TNKS: variants seen among roughly 807,000 people sequenced by gnomAD.
TNKS encodes poly [ADP-ribose] polymerase tankyrase-1.
TNKS carries 72 observed loss-of-function variants against 135.8 expected under a neutral mutation model. That is an observed-to-expected ratio of 0.53 (90% CI 0.44 to 0.64). The LOEUF (loss-of-function observed/expected upper bound fraction) is 0.64, where lower values mean the gene tolerates loss of function less well. Ranked by LOEUF, TNKS falls within the 30% of genes least tolerant of loss-of-function variation. The pLI is 0.00. For missense variants in TNKS, 1,769 were observed against 1,674.0 expected (o/e 1.06, Z -0.99); for synonymous variants, 849 against 649.3 (o/e 1.31, Z -4.68).
chr8:9,572,587 A>G (rs889603932), intron 1 of TNKS, among the ~76,000 whole-genome samples: 3 of 152,130 alleles, frequency 2.0e-5, no homozygotes, highest in African/African-American at 4.8e-5. Context: ...CGTTTTCTCC[A>G]TGAAATATAG....
At chr8:9,681,299 T>C (rs532706228) in intron 5 of TNKS, 1 of 152,376 alleles carries the variant, frequency 6.6e-6, no homozygotes, top group Non-Finnish European at 1.5e-5. Context: ...ACTGGCTAAG[T>C]TTTAGTTGTG....
At chr8:9,704,274 T>C (rs1803949510) in intron 5 of TNKS, among the ~76,000 whole-genome samples, 1 of 152,124 alleles carries the variant, frequency 6.6e-6, no homozygotes, top group African/African-American at 2.4e-5. Context: ...GATTTGAAGG[T>C]TAGAAATTGA....
intron 20 of TNKS, among the ~76,000 whole-genome samples, chr8:9,758,693 C>T (rs11988208): frequency 0.1 from 15,603 of 152,146 alleles, 1,035 homozygotes; most frequent in African/African-American, 0.18. Flanking sequence ...GGGCTGGGAC[C>T]CGCTTTCAAG....
At chr8:9,624,017 AAACAAC>A (rs570130310) in intron 3 of TNKS, among the ~76,000 whole-genome samples, 2 of 139,236 alleles carry the variant, frequency 1.4e-5, no homozygotes, top group African/African-American at 2.7e-5. Context: ...AAAAAAGGAA[AAACAAC>A]AACAACAACA....
intron 16 of TNKS, 94 bp downstream of exon 16, chr8:9,735,178 G>C: frequency 1.6e-6 from 2 of 1,285,738 alleles, no homozygotes; most frequent in Non-Finnish European, 2.1e-6. Flanking sequence ...ACACAAATGG[G>C]ACTACTTAGT....
At chr8:9,647,913 G>T (rs996999023) in intron 3 of TNKS, among the ~76,000 whole-genome samples, 2 of 152,154 alleles carry the variant, frequency 1.3e-5, no homozygotes, top group Non-Finnish European at 2.9e-5. Context: ...ATAGCCTGTT[G>T]CTCCTAGAGT....
intron 8 of TNKS, 56 bp from the exon 9 acceptor site, chr8:9,708,315 A>T: frequency 7.2e-7 from 1 of 1,397,670 alleles, no homozygotes. Context: ...AATCATGCTG[A>T]AGATTTTTAT....
At chr8:9,763,872 A>G (rs73662516) in intron 22 of TNKS, among the ~76,000 whole-genome samples, 16,334 of 152,170 alleles carry the variant, frequency 0.11, 1,126 homozygotes, top group African/African-American at 0.19. Flanking sequence ...CCTAGGCAGA[A>G]AAAGGTATGC....
intron 26 of TNKS, among the ~76,000 whole-genome samples, chr8:9,773,578 T>TA (rs1585457856): frequency 1.3e-5 from 2 of 152,182 alleles, no homozygotes; most frequent in Admixed American, 6.6e-5. Context: ...AAAGAAATAA[T>TA]AAGGAATACT....
At position 9,751,825 on chromosome 8, in the gene TNKS, A is replaced by G; in HGVS notation, c.3049A>G (p.Thr1017Ala). 6.2e-7 allele frequency: 1 copy of G among 1,614,202 alleles called. No homozygotes were observed. Residue 1017 changes from threonine (T) to alanine (A), a missense_variant, in exon 19 of 27, where the codon ACA (threonine) becomes GCA (alanine). By Grantham distance (58) the Thr-to-Ala change is moderately conservative (BLOSUM62 0). This residue lies in a region of TNKS where 722 missense variants were observed against 688.9 expected (regional missense o/e 1.05). Coordinates refer to ENST00000310430, the MANE Select transcript of TNKS (RefSeq NM_003747.3). ...ASNAGDGAAG[T>A]ERKEGEVAGL... ...CAATGCAGGGGATGGCGCCGCGGGA[A>G]CAGAAAGGAAGGAAGGAGAAGGTGA... is the stretch of plus-strand genomic sequence containing the variant.
At chr8:9,705,380 A>G (rs770902188) in intron 6 of TNKS, among the ~76,000 whole-genome samples, 5 of 152,350 alleles carry the variant, frequency 3.3e-5, no homozygotes, top group Non-Finnish European at 7.3e-5. Flanking sequence ...GCCCCACTTT[A>G]AGATCTGAAA....
At chr8:9,656,109 T>C (rs1011009588) in intron 3 of TNKS, among the ~76,000 whole-genome samples, 1 of 152,118 alleles carries the variant, frequency 6.6e-6, no homozygotes, top group African/African-American at 2.4e-5. Flanking sequence ...CAAGCCTCAG[T>C]AGCCAATGCG....
intron 2 of TNKS, among the ~76,000 whole-genome samples, chr8:9,600,757 A>G (rs1307642759): frequency 1.3e-5 from 2 of 152,194 alleles, no homozygotes; most frequent in African/African-American, 4.8e-5. Context: ...TGTTGACAGA[A>G]TTCTGAATTT....
intron 3 of TNKS, among the ~76,000 whole-genome samples, chr8:9,676,686 C>CTCTCTGTGTGTGTGTGTGTG (rs1554467464): frequency 2.0e-5 from 3 of 147,786 alleles, no homozygotes; most frequent in African/African-American, 5.0e-5. Flanking sequence ...CTCTCTCTCT[C>CTCTCTGTGTGTGTGTGTGTG]TGTGTGTGTG....
chr8:9,712,849 C>G (rs1804408276), intron 11 of TNKS, among the ~76,000 whole-genome samples: 1 of 152,156 alleles, frequency 6.6e-6, no homozygotes, highest in Non-Finnish European at 1.5e-5. Context: ...GTAATCATGC[C>G]ACTACACTGT....
intron 3 of TNKS, among the ~76,000 whole-genome samples, chr8:9,674,415 C>T (rs992203078): frequency 6.6e-6 from 1 of 151,986 alleles, no homozygotes; most frequent in African/African-American, 2.4e-5. Flanking sequence ...AAAAAAAAAG[C>T]TTATGTTTTG....
chr8:9,627,562 TG>T (rs1800110466), intron 3 of TNKS, among the ~76,000 whole-genome samples: 1 of 151,848 alleles, frequency 6.6e-6, no homozygotes, highest in African/African-American at 2.4e-5. Flanking sequence ...CTTGCTTGCT[TG>T]CTTGCTTGCT....
At chr8:9,750,870 G>T (rs185749523) in intron 18 of TNKS, among the ~76,000 whole-genome samples, 11 of 152,190 alleles carry the variant, frequency 7.2e-5, no homozygotes, top group Non-Finnish European at 1.2e-4. Flanking sequence ...CTTTCATCCC[G>T]CAGGGCTCTC....
chr8:9,637,826 CAATT>C (rs1800569775), intron 3 of TNKS, among the ~76,000 whole-genome samples: 1 of 152,160 alleles, frequency 6.6e-6, no homozygotes, highest in African/African-American at 2.4e-5. Context: ...GAAAGAAACT[CAATT>C]AAGAATGCAA....
Sources: allele counts gnomAD v4.1 joint callset (sites outside exome capture counted in the v4.1 genomes callset), GRCh38; gene constraint gnomAD v4.1.1; regional missense constraint gnomAD v4.1.1; transcripts MANE v1.5; gene names NCBI Gene and HGNC (gene_info 2026-07-23, HGNC 2026-07-21).